U2AF2: variants seen among roughly 807,000 people sequenced by gnomAD.
U2AF2 encodes splicing factor U2AF 65 kDa subunit.
In U2AF2, 6 loss-of-function variants were observed where a neutral mutation model predicts 52.6. That is an observed-to-expected ratio of 0.11 (90% CI 0.06 to 0.23). The LOEUF (loss-of-function observed/expected upper bound fraction) is 0.23. Ranked by LOEUF, U2AF2 falls within the 10% of genes least tolerant of loss-of-function variation. The pLI is 1.00. For synonymous variants in U2AF2, 284 were observed against 258.2 expected (o/e 1.10, Z -0.96); for missense variants, 222 against 677.1 (o/e 0.33, Z 7.46).
chr19:55,660,589 A>G lies in U2AF2; in HGVS notation c.304A>G (p.Ile102Val), dbSNP rs1327727499. 6.2e-7 allele frequency: 1 copy of G among 1,607,302 alleles called. No homozygotes were observed. Among genetic ancestry groups the G allele is most frequent in the Non-Finnish European group, 8.5e-7 (1 of 1,176,624 alleles). ...CGTGCCACCCCCAGGCTTTGAGCAC[A>G]TCACCCCAATGCAGTACAAGGCCAT... ...WDVPPPGFEHITPMQYKAMQA... is the reference protein window; with the variant it reads ...WDVPPPGFEHVTPMQYKAMQA... Residue 102 changes from isoleucine to valine, a missense_variant, in exon 4 of 12, where the codon ATC becomes GTC. Physicochemically the swap from Ile to Val is conservative, Grantham distance 29 (BLOSUM62 3). Around this residue, in one of 4 missense-constraint regions of U2AF2, gnomAD observed 35 missense variants for 149.3 expected, o/e 0.23. Transcript: ENST00000308924.
chr19:55,661,529 CACACACACACACA>C (rs996013714), intron 5 of U2AF2, among the ~76,000 whole-genome samples: 1 of 150,740 alleles, frequency 6.6e-6, no homozygotes, highest in Non-Finnish European at 1.5e-5. Context: ...CACACACACA[CACACACACACACA>C]GACGCACGCT....
intron 11 of U2AF2, chr19:55,672,012 C>T (rs2122129882): frequency 6.6e-6 from 1 of 151,910 alleles, no homozygotes; most frequent in Non-Finnish European, 1.5e-5. Flanking sequence ...GCCTGTAATC[C>T]CAGCTACTCA....
intron 7 of U2AF2, among the ~76,000 whole-genome samples, chr19:55,667,588 C>T (rs987612448): frequency 2.6e-5 from 4 of 152,118 alleles, no homozygotes; most frequent in African/African-American, 7.2e-5. Context: ...TGTCAGCCCT[C>T]GAAGACACTG....
rs758867639 is a variant in U2AF2 at position 55,674,078 on chromosome 19, G to C, written c.*10G>C. The C allele has an allele frequency of 2.7e-5, 43 of 1,600,474 alleles. No individual in the cohort carries two copies. The highest frequency in any genetic ancestry group is 3.6e-5 in the Non-Finnish European group (42 of 1,173,310). On this transcript the variant is annotated 3_prime_UTR_variant, in exon 12 of 12. Coordinates refer to ENST00000308924, the MANE Select transcript of U2AF2 (RefSeq NM_007279.3). ...CCGGGACTTCTGGTAGAGGCGGCTG[G>C]GGGAGGGTGGGGGCAGGGCTGGCTG...
intron 7 of U2AF2, among the ~76,000 whole-genome samples, chr19:55,667,540 G>A (rs1372392773): frequency 6.6e-6 from 1 of 152,154 alleles, no homozygotes; most frequent in Non-Finnish European, 1.5e-5. Context: ...GCAGGATCGA[G>A]GGCCAGTAAA....
rs557957892 is a variant in U2AF2 at position 55,673,601 on chromosome 19, G to A, written c.1294-333G>A. ...CTGGGAGCGCCCACCATGGTGGCTC[G>A]TGTGGAGTAGACACTCAGCACGAGG... is the stretch of plus-strand genomic sequence containing the variant. On this transcript the variant is annotated intron_variant, in intron 11 of 11. Transcript: ENST00000308924. Among the ~76,000 whole-genome samples the A allele has an allele frequency of 5.3e-5, 8 of 152,300 alleles. No homozygotes were observed. In the East Asian group the frequency reaches 1.5e-3, roughly 29 times the overall value.
At chr19:55,667,115 G>A (rs1358687047) in intron 7 of U2AF2, among the ~76,000 whole-genome samples, 1 of 152,146 alleles carries the variant, frequency 6.6e-6, no homozygotes, top group African/African-American at 2.4e-5. Context: ...CAGTCTGGTG[G>A]TTGGAGCTGG....
rs1228491657 is a variant in U2AF2, at chr19:55,655,257, C to A, written c.49+104C>A. The A allele has an allele frequency of 2.3e-6, 3 of 1,281,602 alleles. No individual in the cohort carries two copies. In the South Asian group the frequency reaches 4.0e-5, roughly 17 times the overall value. 79.4% of individuals were successfully genotyped at this position (1,281,602 alleles called of 1,614,324 possible). On this transcript the variant is annotated intron_variant, in intron 1 of 11. Coordinates refer to ENST00000308924, the MANE Select transcript of U2AF2 (RefSeq NM_007279.3). ...CGCTTCCCCCCACTTCACGGCCGCG[C>A]GGCGCCCCCCAACCCTGGTTCCGTG...
intron 10 of U2AF2, 21 bp from the exon 11 acceptor site, chr19:55,669,423 C>T: frequency 6.3e-7 from 1 of 1,577,294 alleles, no homozygotes; most frequent in Non-Finnish European, 8.6e-7. Flanking sequence ...TGTGACGCCG[C>T]TGCCTCCCCT....
intron 11 of U2AF2, 121 bp from the exon 12 acceptor site, chr19:55,673,813 C>G: frequency 7.2e-7 from 1 of 1,394,218 alleles, no homozygotes; most frequent in Non-Finnish European, 9.7e-7. Context: ...CCCTTTCTGA[C>G]ACCTGTGGCG....
In U2AF2 at chr19:55,662,695, A is replaced by C. The variant is rs531485383; in HGVS notation, c.603+77A>C. 7.4e-4 allele frequency: 1,002 copies of C among 1,345,232 alleles called. 5 individuals are homozygous for C. In the African/African-American group the frequency reaches 0.013, roughly 17 times the overall value. 83.3% of individuals were successfully genotyped at this position (1,345,232 alleles called of 1,614,324 possible). The stretch of plus-strand genomic sequence containing the variant: ...CAGCCCTTAGGCTGATGTTGTGTGG[A>C]GCTGCCTTGTGCTGTTTCCACCAGG... On this transcript the variant is annotated intron_variant, in intron 6 of 11. Coordinates refer to ENST00000308924, the MANE Select transcript of U2AF2 (RefSeq NM_007279.3).
intron 7 of U2AF2, chr19:55,664,089 C>T (rs533241592): frequency 7.4e-5 from 18 of 244,722 alleles, no homozygotes; most frequent in Non-Finnish European, 1.1e-4. Flanking sequence ...CTGTGCCCGT[C>T]GGGGCTGCTG....
intron 1 of U2AF2, among the ~76,000 whole-genome samples, chr19:55,655,408 G>A (rs1302682580): frequency 1.3e-5 from 2 of 152,338 alleles, no homozygotes; most frequent in Admixed American, 1.3e-4. Flanking sequence ...ACGTGGTCCT[G>A]GCGGAGGTGG....
chr19:55,658,764 G>C (rs971131204), intron 1 of U2AF2: 1 of 157,186 alleles, frequency 6.4e-6, no homozygotes, highest in Admixed American at 6.5e-5. Context: ...CCCTAGTCCT[G>C]ATGGTGGGGC....
At position 55,655,040 on chromosome 19, in the gene U2AF2, A is replaced by T. The variant is rs1438354477; in HGVS notation, c.-65A>T. ...CCGAAGCCAGCGGCGGAAGTAGCCG[A>T]AGCGGCTGGAGCGGGCGGCAAGGCG... On this transcript the variant is annotated 5_prime_UTR_variant, in exon 1 of 12. Coordinates refer to ENST00000308924, the MANE Select transcript of U2AF2 (RefSeq NM_007279.3). 3 of 1,589,610 alleles carry T rather than the reference A, an allele frequency of 1.9e-6. No homozygotes were observed. The highest frequency in any genetic ancestry group is 2.3e-5 in the East Asian group (1 of 43,274).
At chr19:55,667,592 G>A (rs564594933) in intron 7 of U2AF2, among the ~76,000 whole-genome samples, 244 of 152,276 alleles carry the variant, frequency 1.6e-3, no homozygotes, top group African/African-American at 5.7e-3. Flanking sequence ...AGCCCTCGAA[G>A]ACACTGGATC....
intron 1 of U2AF2, chr19:55,658,756 C>T (rs1432363039): frequency 6.4e-6 from 1 of 156,314 alleles, no homozygotes; most frequent in Non-Finnish European, 1.4e-5. Flanking sequence ...CACCTGACCC[C>T]TAGTCCTGAT....
At chr19:55,669,357 G>C in intron 10 of U2AF2, 87 bp from the exon 11 acceptor site, 10 of 1,541,502 alleles carry the variant, frequency 6.5e-6, no homozygotes, top group Middle Eastern at 1.8e-4. Context: ...CCTTTCCCCT[G>C]GGGGGGCATG....
At chr19:55,669,342 G>C in intron 10 of U2AF2, 102 bp from the exon 11 acceptor site, 1 of 1,543,140 alleles carries the variant, frequency 6.5e-7, no homozygotes, top group Non-Finnish European at 8.7e-7. Context: ...GAAGTGGAGA[G>C]ATGGCCTTTC....
Sources: allele counts gnomAD v4.1 joint callset (sites outside exome capture counted in the v4.1 genomes callset), GRCh38; gene constraint gnomAD v4.1.1; regional missense constraint gnomAD v4.1.1; transcripts MANE v1.5; gene names NCBI Gene and HGNC (gene_info 2026-07-23, HGNC 2026-07-21).